Variants in CERK observed in about 807,000 individuals in gnomAD.
CERK encodes ceramide kinase, also known as acylsphingosine kinase.
In CERK, 39 loss-of-function variants were observed where a neutral mutation model predicts 63.4. The ratio of observed to expected loss-of-function variants is 0.61; its 90% CI spans 0.48 to 0.80. CERK has a LOEUF of 0.80. Ranked by LOEUF, CERK falls within the 30% of genes least tolerant of loss-of-function variation. The pLI, the probability that CERK is intolerant of heterozygous loss-of-function variation, is 0.00. For missense variants in CERK, 670 were observed against 714.1 expected (o/e 0.94, Z 0.70); for synonymous variants, 302 against 280.0 (o/e 1.08, Z -0.78).
rs953829468 is a variant in CERK, at chr22:46,685,969, A to G, written c.*1165T>C. On this transcript the variant is annotated 3_prime_UTR_variant, in exon 13 of 13. Transcript: ENST00000216264. The stretch of plus-strand genomic sequence containing the variant: ...TTTCAAACAAAACTACGTTACAGAC[A>G]TCATCTACGTGGGCACGGATACACA... The G allele has an allele frequency of 1.3e-5, 2 of 152,190 alleles. No individual in the cohort carries two copies. Among genetic ancestry groups the G allele is most frequent in the Admixed American group, 1.3e-4 (2 of 15,274 alleles). The allele number at this position is 152,190 out of a possible 1,614,324, so 9.4% of individuals were successfully genotyped here.
At chr22:46,696,095 G>C (rs919596370) in intron 8 of CERK, among the ~76,000 whole-genome samples, 5 of 152,208 alleles carry the variant, frequency 3.3e-5, no homozygotes, top group African/African-American at 9.6e-5. Flanking sequence ...CCGACACACA[G>C]AGGCCTCACA....
At chr22:46,712,849 T>C (rs1157947700) in intron 3 of CERK, among the ~76,000 whole-genome samples, 1 of 12,440 alleles carries the variant, frequency 8.0e-5, no homozygotes, top group Admixed American at 6.7e-4. Context: ...TTTCTTTTCT[T>C]TTTTTTTTTT....
In CERK at chr22:46,738,225, G is replaced by A; in HGVS notation, c.-77C>T. On this transcript the variant is annotated 5_prime_UTR_variant, in exon 1 of 13. Transcript: ENST00000216264. ...CGCCGGACCGTTAGCGGCCCCTGCAGTGGCCCGGGCGGCGGGCGGCGGGCG... is the reference window on the plus strand; with the variant it reads ...CGCCGGACCGTTAGCGGCCCCTGCAATGGCCCGGGCGGCGGGCGGCGGGCG... The A allele has an allele frequency of 7.3e-6, 7 of 952,638 alleles. No individual in the cohort carries two copies. The highest frequency in any genetic ancestry group is 8.8e-6 in the Non-Finnish European group (7 of 793,734). The allele number at this position is 952,638 out of a possible 1,614,324, so 59.0% of individuals were successfully genotyped here. A position where few individuals can be genotyped will look rare whatever the true frequency, so the allele number is the denominator to read the frequency against.
At chr22:46,713,465 C>T (rs1284443348) in intron 3 of CERK, among the ~76,000 whole-genome samples, 3 of 143,370 alleles carry the variant, frequency 2.1e-5, no homozygotes, top group East Asian at 2.2e-4. Flanking sequence ...GCCAAGGTCG[C>T]GCCACTGCAT....
In CERK at chr22:46,726,352, C is replaced by T. The variant is rs371011467; in HGVS notation, c.143-5337G>A. Among the ~76,000 whole-genome samples the T allele has an allele frequency of 3.2e-3, 493 of 152,314 alleles. 2 individuals are homozygous for T. The highest frequency in any genetic ancestry group is 0.012 in the African/African-American group (484 of 41,564). ...GAGGGAACAGGGTGAGAGAGCAGGC[C>T]GCTGCCCACTGCGCCCACTGGAGCA... is the stretch of plus-strand genomic sequence containing the variant. On this transcript the variant is annotated intron_variant, in intron 1 of 12. Transcript: ENST00000216264.
chr22:46,720,723 G>A, intron 2 of CERK, among the ~76,000 whole-genome samples, 179 bp downstream of exon 2: 1 of 152,050 alleles, frequency 6.6e-6, no homozygotes, highest in South Asian at 2.1e-4. Flanking sequence ...AAAATAAGGG[G>A]AAAAATGACC....
rs9627552 is a variant in CERK, at chr22:46,730,839, G to C, written c.142+7168C>G. On this transcript the variant is annotated intron_variant, in intron 1 of 12. Coordinates refer to ENST00000216264, the MANE Select transcript of CERK (RefSeq NM_022766.6). ...CTCGTCTATCTTGGATTTGGAACTG[G>C]AGCAGCCTGAAACCTGGAAATGCCA... Among the ~76,000 whole-genome samples, 680 of 152,326 alleles carry C rather than the reference G, an allele frequency of 4.5e-3. 5 individuals are homozygous for C. Among genetic ancestry groups the C allele is most frequent in the African/African-American group, 0.016 (646 of 41,572 alleles).
chr22:46,723,079 C>A (rs900120281), intron 1 of CERK, among the ~76,000 whole-genome samples: 55 of 152,210 alleles, frequency 3.6e-4, no homozygotes, highest in African/African-American at 1.3e-3. Flanking sequence ...GGGCAAGAGA[C>A]TGAACAGGAC....
At position 46,691,620 on chromosome 22, in the gene CERK, C is replaced by T. The variant is rs927694803; in HGVS notation, c.1284G>A (p.Arg428=). 3 of 1,613,980 alleles carry T rather than the reference C, an allele frequency of 1.9e-6. No individual in the cohort carries two copies. Among genetic ancestry groups the T allele is most frequent in the South Asian group, 1.1e-5 (1 of 91,058 alleles). ...SDLILIRKCS[R]FNFLRFLIRH... Reference sequence around the variant, plus strand: ...TGATGAGAAATCTCAGAAAATTGAACCTGGAGCATTTCCGGATGAGGATGA... The same window carrying T: ...TGATGAGAAATCTCAGAAAATTGAATCTGGAGCATTTCCGGATGAGGATGA... The change falls in exon 11 of 13, where the codon AGG becomes AGA. Residue 428 remains arginine (R), a synonymous_variant. Coordinates refer to ENST00000216264, the MANE Select transcript of CERK (RefSeq NM_022766.6).
At chr22:46,715,640 C>T (rs1165523353) in intron 3 of CERK, among the ~76,000 whole-genome samples, 1 of 151,858 alleles carries the variant, frequency 6.6e-6, no homozygotes, top group African/African-American at 2.4e-5. Context: ...GAGCTATGAT[C>T]GCATAGCTGC....
chr22:46,733,328 G>A (rs1355585968), intron 1 of CERK, among the ~76,000 whole-genome samples: 14 of 149,702 alleles, frequency 9.4e-5, no homozygotes, highest in South Asian at 2.1e-4. Flanking sequence ...GAGTCTCGCC[G>A]TGTTGCCCAG....
chr22:46,729,821 C>T (rs1247395102), intron 1 of CERK, among the ~76,000 whole-genome samples: 1 of 152,090 alleles, frequency 6.6e-6, no homozygotes, highest in Non-Finnish European at 1.5e-5. Context: ...AGGTGAATCA[C>T]GAGGGCAGGA....
intron 5 of CERK, among the ~76,000 whole-genome samples, chr22:46,709,619 A>G (rs1182103229): frequency 6.6e-6 from 1 of 152,238 alleles, no homozygotes; most frequent in Non-Finnish European, 1.5e-5. Flanking sequence ...TTGTGGAATG[A>G]ATAATGATTT....
chr22:46,738,211 TA>T lies in CERK; in HGVS notation c.-64del. 9.6e-7 allele frequency: 1 copy of T among 1,040,248 alleles called. No individual in the cohort carries two copies. 64.4% of individuals were successfully genotyped at this position (1,040,248 alleles called of 1,614,324 possible). A position where few individuals can be genotyped will look rare whatever the true frequency, so the allele number is the denominator to read the frequency against. On this transcript the variant is annotated 5_prime_UTR_variant, in exon 1 of 13. Coordinates refer to ENST00000216264, the MANE Select transcript of CERK (RefSeq NM_022766.6). ...CGGACGCCGAGGGGCGCCGGACCGT[TA>T]GCGGCCCCTGCAGTGGCCCGGGCGG...
In CERK at chr22:46,700,855, T is replaced by C. The variant is rs1164088032; in HGVS notation, c.790+781A>G. On this transcript the variant is annotated intron_variant, in intron 7 of 12. Transcript: ENST00000216264. Reference sequence around the variant, plus strand: ...GGTGAAACCCCATCCCTACTAAAAGTACAAAATGAACTGGACGTGGTGGCG... The same window carrying C: ...GGTGAAACCCCATCCCTACTAAAAGCACAAAATGAACTGGACGTGGTGGCG... Among the ~76,000 whole-genome samples the C allele has an allele frequency of 3.3e-5, 5 of 151,640 alleles. No homozygotes were observed. In the East Asian group the frequency reaches 9.7e-4, roughly 29 times the overall value.
chr22:46,702,355 C>T (rs1167893517), intron 6 of CERK, among the ~76,000 whole-genome samples: 5 of 149,082 alleles, frequency 3.4e-5, no homozygotes, highest in African/African-American at 7.4e-5. Context: ...AGTGCGGTGG[C>T]GTGATCTTGG....
chr22:46,713,464 G>A (rs558890747), intron 3 of CERK, among the ~76,000 whole-genome samples: 7 of 143,748 alleles, frequency 4.9e-5, no homozygotes, highest in African/African-American at 7.7e-5. Flanking sequence ...AGCCAAGGTC[G>A]CGCCACTGCA....
At chr22:46,726,353 G>A (rs575438378) in intron 1 of CERK, among the ~76,000 whole-genome samples, 3 of 152,322 alleles carry the variant, frequency 2.0e-5, no homozygotes, top group East Asian at 1.9e-4. Context: ...AGAGCAGGCC[G>A]CTGCCCACTG....
In CERK at chr22:46,687,011, T is replaced by C; in HGVS notation, c.*123A>G. 1.2e-6 allele frequency: 1 copy of C among 859,994 alleles called. No individual in the cohort carries two copies. Among genetic ancestry groups the C allele is most frequent in the Non-Finnish European group, 1.8e-6 (1 of 563,298 alleles). 53.3% of individuals were successfully genotyped at this position (859,994 alleles called of 1,614,324 possible). ...TTGACAAAAGGGTTTTCTTCTAAAA[T>C]CAAGATTTAACTATCAAAAATAAAT... On this transcript the variant is annotated 3_prime_UTR_variant, in exon 13 of 13. Transcript: ENST00000216264.
Sources: allele counts gnomAD v4.1 joint callset (sites outside exome capture counted in the v4.1 genomes callset), GRCh38; gene constraint gnomAD v4.1.1; transcripts MANE v1.5; gene names NCBI Gene and HGNC (gene_info 2026-07-23, HGNC 2026-07-21).